The following GLI3 variants were observed in gnomAD, a reference collection of about 807,000 sequenced individuals.
GLI3 encodes the protein transcription activator GLI3.
A neutral mutation model predicts 100.8 loss-of-function variants in GLI3; 20 were observed. The observed-to-expected ratio is 0.20, with a 90% CI of 0.14 to 0.29. The LOEUF (loss-of-function observed/expected upper bound fraction) is 0.29. Among genes scored for constraint, GLI3 ranks in the 10% least tolerant of loss-of-function variants. GLI3 has a pLI of 1.00. For synonymous variants in GLI3, 938 were observed against 860.5 expected (o/e 1.09, Z -1.58); for missense variants, 2,040 against 2,128.5 (o/e 0.96, Z 0.82).
At chr7:42,153,925 C>T (rs1342084887) in intron 2 of GLI3, among the ~76,000 whole-genome samples, 1 of 151,990 alleles carries the variant, frequency 6.6e-6, no homozygotes, top group Non-Finnish European at 1.5e-5. Context: ...AGAAACTAGC[C>T]GTCATGTCCC....
In GLI3 at chr7:41,965,449, C is replaced by T. The variant is rs748737328; in HGVS notation, c.3624G>A (p.Gly1208=). The change falls in exon 15 of 15, where the codon GGG becomes GGA. Residue 1208 remains glycine, a synonymous_variant. Coordinates refer to ENST00000395925, the MANE Select transcript of GLI3 (RefSeq NM_000168.6). ...CGAGGGTCTGATAGCCCCCAGCAGG[C>T]CCGCTCCTCAAGGGGTTCTGCGGGT... ...VVHPQNPLRS[G]PAGGYQTLGE... 1.4e-5 allele frequency: 22 copies of T among 1,608,072 alleles called. 1 individual carries two copies. In the East Asian group the frequency reaches 4.9e-4, roughly 36 times the overall value.
At chr7:42,240,512 C>T (rs953674445), upstream of GLI3, among the ~76,000 whole-genome samples, 1 of 152,178 alleles carries the variant, frequency 6.6e-6, no homozygotes, top group African/African-American at 2.4e-5. Flanking sequence ...TCCCTTGCCT[C>T]TTACTGGCTT....
At chr7:42,234,985 A>T (rs923985489) in intron 1 of GLI3, among the ~76,000 whole-genome samples, 1 of 152,220 alleles carries the variant, frequency 6.6e-6, no homozygotes, top group African/African-American at 2.4e-5. Context: ...AATATTTCCT[A>T]ACATAAACAA....
At chr7:42,186,820 T>C (rs899542145) in intron 2 of GLI3, among the ~76,000 whole-genome samples, 2 of 152,264 alleles carry the variant, frequency 1.3e-5, no homozygotes, top group African/African-American at 2.4e-5. Context: ...CTCATTTTCA[T>C]GATATCTACA....
At chr7:42,253,481 A>G (rs972240776) in intron 1 of GLI3, among the ~76,000 whole-genome samples, 4 of 152,224 alleles carry the variant, frequency 2.6e-5, no homozygotes, top group African/African-American at 4.8e-5. Context: ...TGAGGCTACC[A>G]GCTTGGCTGC....
At chr7:42,144,193 G>C (rs982006014) in intron 3 of GLI3, among the ~76,000 whole-genome samples, 9 of 152,206 alleles carry the variant, frequency 5.9e-5, no homozygotes, top group Non-Finnish European at 1.0e-4. Context: ...ATGGCGGTTA[G>C]AAATACCTGG....
chr7:42,245,364 A>G (rs1031447398), intron 1 of GLI3, among the ~76,000 whole-genome samples: 6 of 152,152 alleles, frequency 3.9e-5, no homozygotes, highest in Admixed American at 2.6e-4. Context: ...AACCATTCCT[A>G]GCTGCAGTTT....
chr7:42,076,972 A>G, intron 3 of GLI3, 115 bp from the exon 4 acceptor site: 1 of 738,282 alleles, frequency 1.4e-6, no homozygotes. Context: ...TTAATCTAAG[A>G]ATTTGTAAAA....
chr7:42,127,756 C>T (rs1419034104), intron 3 of GLI3, among the ~76,000 whole-genome samples: 3 of 152,102 alleles, frequency 2.0e-5, no homozygotes, highest in African/African-American at 4.8e-5. Context: ...CGCCTGTAAT[C>T]CCAGCACTTT....
At chr7:42,084,898 A>ATTTTTTTTTT (rs1373503796) in intron 3 of GLI3, among the ~76,000 whole-genome samples, 3 of 91,890 alleles carry the variant, frequency 3.3e-5, no homozygotes, top group African/African-American at 4.5e-5. Flanking sequence ...ATGCATTTGG[A>ATTTTTTTTTT]TTCTTTTTTT....
At chr7:42,020,914 A>G (rs1169342653) in intron 10 of GLI3, among the ~76,000 whole-genome samples, 2 of 97,546 alleles carry the variant, frequency 2.1e-5, no homozygotes, top group African/African-American at 3.8e-5. Context: ...AAAAAAAAAA[A>G]AAAAAAGTAG....
intron 12 of GLI3, among the ~76,000 whole-genome samples, chr7:41,973,431 G>A (rs1209544500): frequency 6.6e-6 from 1 of 152,108 alleles, no homozygotes; most frequent in Admixed American, 6.6e-5. Context: ...TTCTATGTGG[G>A]TCAGTGATCA....
Position 41,964,905 on chromosome 7 carries a change from C to G in GLI3, c.4168G>C (p.Gly1390Arg), listed in dbSNP as rs142696576. 4 of 1,613,712 alleles carry G rather than the reference C, an allele frequency of 2.5e-6. No homozygotes were observed. Among genetic ancestry groups the G allele is most frequent in the African/African-American group, 2.7e-5 (2 of 74,946 alleles). Residue 1390 changes from glycine (G) to arginine (R), a missense_variant, in exon 15 of 15, where the codon GGG becomes CGG. Gly to Arg is a moderately radical substitution (Grantham distance 125). Transcript: ENST00000395925. ...GGCATAGCCTGGCGCCTGCTGCCCCCAAAGCTGGCACATGGCTGGTAGCCC... is the reference window on the plus strand; with the variant it reads ...GGCATAGCCTGGCGCCTGCTGCCCCGAAAGCTGGCACATGGCTGGTAGCCC... Reference protein sequence around the residue: ...VRGYQPCASFGGSRRQAMPRD... With the variant: ...VRGYQPCASFRGSRRQAMPRD...
At chr7:42,105,025 T>G (rs1184296349) in intron 3 of GLI3, among the ~76,000 whole-genome samples, 2 of 152,242 alleles carry the variant, frequency 1.3e-5, no homozygotes, top group Admixed American at 6.5e-5. Flanking sequence ...GCCAGGAACT[T>G]TGATAATTAT....
At chr7:42,101,568 T>C (rs1234485295) in intron 3 of GLI3, among the ~76,000 whole-genome samples, 2 of 152,224 alleles carry the variant, frequency 1.3e-5, no homozygotes, top group African/African-American at 4.8e-5. Flanking sequence ...TTGGCACCAC[T>C]GCAGTCCAGC....
chr7:42,030,140 C>G (rs185077647), intron 7 of GLI3, among the ~76,000 whole-genome samples: 9 of 152,164 alleles, frequency 5.9e-5, no homozygotes, highest in Non-Finnish European at 1.3e-4. Context: ...TGTTCCATTA[C>G]CTGGAGGCTG....
chr7:42,108,966 C>A (rs560357596), intron 3 of GLI3, among the ~76,000 whole-genome samples: 1 of 152,054 alleles, frequency 6.6e-6, no homozygotes, highest in Non-Finnish European at 1.5e-5. Context: ...GGAAGTCTGA[C>A]GCCATCACCC....
intron 6 of GLI3, among the ~76,000 whole-genome samples, chr7:42,045,027 A>G (rs1784216465): frequency 6.6e-6 from 1 of 152,204 alleles, no homozygotes; most frequent in Non-Finnish European, 1.5e-5. Flanking sequence ...AGCAGGGACT[A>G]CAGGTACATG....
intron 2 of GLI3, among the ~76,000 whole-genome samples, chr7:42,174,182 G>A (rs1367494363): frequency 1.3e-5 from 2 of 151,786 alleles, no homozygotes; most frequent in Admixed American, 1.3e-4. Flanking sequence ...AATTTCTGAT[G>A]GCAATTTTAC....
Sources: gnomAD v4.1 joint callset for allele counts (sites outside exome capture counted in the v4.1 genomes callset) on GRCh38, gnomAD v4.1.1 for gene constraint, MANE v1.5 for transcripts, NCBI Gene and HGNC (gene_info 2026-07-23, HGNC 2026-07-21) for gene names.